Variants in ROCK2 observed in about 807,000 individuals in gnomAD.
ROCK2 encodes rho-associated protein kinase 2.
A neutral mutation model predicts 195.1 loss-of-function variants in ROCK2; 61 were observed. The ratio of observed to expected loss-of-function variants is 0.31; its 90% CI spans 0.25 to 0.39. The LOEUF (loss-of-function observed/expected upper bound fraction) is 0.39. ROCK2 is among the 10% of genes least tolerant of loss of function. The pLI is 1.00. For missense variants in ROCK2, 1,109 were observed against 1,637.4 expected (o/e 0.68, Z 5.57); for synonymous variants, 504 against 545.5 (o/e 0.92, Z 1.06).
chr2:11,215,649 A>G lies in ROCK2; in HGVS notation c.1462-4T>C. On this transcript the variant is annotated splice_polypyrimidine_tract_variant and splice_region_variant and intron_variant, in intron 13 of 32. Coordinates refer to ENST00000315872, the MANE Select transcript of ROCK2 (RefSeq NM_004850.5). ...CCACACTTTTCCGTAAGGTAATCTGAAATAATGCTTAAAGTTATTATCAAA... is the reference window on the plus strand; with the variant it reads ...CCACACTTTTCCGTAAGGTAATCTGGAATAATGCTTAAAGTTATTATCAAA... The G allele has an allele frequency of 2.5e-6, 4 of 1,588,448 alleles. No individual in the cohort carries two copies. The highest frequency in any genetic ancestry group is 3.4e-6 in the Non-Finnish European group (4 of 1,171,820).
chr2:11,230,044 A>C (rs1044380479), intron 5 of ROCK2, among the ~76,000 whole-genome samples: 3 of 152,200 alleles, frequency 2.0e-5, no homozygotes, highest in Non-Finnish European at 4.4e-5. Context: ...TTCAGAATTA[A>C]ATATAAACAT....
chr2:11,295,976 G>GAA lies in ROCK2; in HGVS notation c.142-8241_142-8240insTT, dbSNP rs1241866687. Among the ~76,000 whole-genome samples the GAA allele has an allele frequency of 7.0e-3, 540 of 77,244 alleles. 8 individuals carry two copies. The highest frequency in any genetic ancestry group is 0.021 in the African/African-American group (519 of 24,880). The allele number at this position is 77,244 out of a possible 152,430, so 50.7% of individuals were successfully genotyped here. On this transcript the variant is annotated intron_variant, in intron 1 of 32. Transcript: ENST00000315872. ...CATCTCAAAAAACAAAAGAGAGAGA[G>GAA]AGAGAGAGAGAGAGGAGAGAGAGAG...
At chr2:11,206,812 C>T (rs1664067481) in intron 20 of ROCK2, among the ~76,000 whole-genome samples, 1 of 152,198 alleles carries the variant, frequency 6.6e-6, no homozygotes, top group Admixed American at 6.5e-5. Flanking sequence ...TACAAGATCC[C>T]TAACAAGGAA....
chr2:11,219,082 G>T, intron 9 of ROCK2, 56 bp from the exon 10 acceptor site: 1 of 947,626 alleles, frequency 1.1e-6, no homozygotes, highest in Non-Finnish European at 1.6e-6. Flanking sequence ...TCTATGTGCT[G>T]TTTTATTCAA....
chr2:11,186,501 C>T (rs1193131283), intron 32 of ROCK2, among the ~76,000 whole-genome samples: 2 of 152,338 alleles, frequency 1.3e-5, no homozygotes, highest in East Asian at 3.9e-4. Flanking sequence ...GTTATTTCAA[C>T]TGAAGAAATC....
intron 4 of ROCK2, among the ~76,000 whole-genome samples, chr2:11,246,299 C>A (rs895382620): frequency 2.0e-5 from 3 of 152,120 alleles, no homozygotes; most frequent in Admixed American, 2.0e-4. Flanking sequence ...TCAGCAAAAT[C>A]TAGGTTTCTT....
intron 3 of ROCK2, among the ~76,000 whole-genome samples, chr2:11,256,988 C>T (rs1167759885): frequency 2.0e-5 from 3 of 151,374 alleles, no homozygotes; most frequent in African/African-American, 7.4e-5. Flanking sequence ...AGGCTAGGGA[C>T]TCTCAGTATT....
chr2:11,190,572 GA>G (rs35012327), intron 32 of ROCK2, among the ~76,000 whole-genome samples: 49,135 of 151,748 alleles, frequency 0.32, 8,212 homozygotes, highest in East Asian at 0.54. Context: ...TAGCACAAAA[GA>G]AAAAAATGTA....
intron 1 of ROCK2, among the ~76,000 whole-genome samples, chr2:11,320,450 A>T (rs137857333): frequency 6.6e-6 from 1 of 152,334 alleles, no homozygotes; most frequent in East Asian, 1.9e-4. Flanking sequence ...TGTAAGGAAG[A>T]CACCAACATT....
intron 3 of ROCK2, among the ~76,000 whole-genome samples, chr2:11,267,895 C>T (rs1666475545): frequency 6.6e-6 from 1 of 151,852 alleles, no homozygotes; most frequent in Non-Finnish European, 1.5e-5. Context: ...GATCTGCCCG[C>T]CTCAGCCTCC....
In ROCK2 at chr2:11,182,916, G is replaced by A. The variant is rs904226451; in HGVS notation, c.*521C>T. On this transcript the variant is annotated 3_prime_UTR_variant, in exon 33 of 33. Coordinates refer to ENST00000315872, the MANE Select transcript of ROCK2 (RefSeq NM_004850.5). ...GATTAATGTGTATAAAAAATAAAGT[G>A]GGAAGTTTAAAAAACCTTCTTGCAG... The A allele has an allele frequency of 6.6e-6, 1 of 152,182 alleles. No individual in the cohort carries two copies. Among genetic ancestry groups the A allele is most frequent in the Non-Finnish European group, 1.5e-5 (1 of 67,962 alleles). 9.4% of individuals were successfully genotyped at this position (152,182 alleles called of 1,614,324 possible).
At chr2:11,329,451 T>TAA (rs764789114) in intron 1 of ROCK2, among the ~76,000 whole-genome samples, 4 of 144,040 alleles carry the variant, frequency 2.8e-5, no homozygotes, top group Non-Finnish European at 6.1e-5. Flanking sequence ...TAAAAGCTTG[T>TAA]AACAATCCCA....
chr2:11,208,658 C>T (rs1198263415), intron 18 of ROCK2, among the ~76,000 whole-genome samples: 7 of 147,724 alleles, frequency 4.7e-5, no homozygotes, highest in South Asian at 2.1e-4. Context: ...AGTGCAGTGA[C>T]GCAATCTCAG....
chr2:11,183,593 C>T (rs556820626), intron 32 of ROCK2, among the ~76,000 whole-genome samples, 153 bp from the exon 33 acceptor site: 159 of 152,280 alleles, frequency 1.0e-3, no homozygotes, highest in African/African-American at 3.3e-3. Flanking sequence ...AACATACTTA[C>T]TGTATTACTT....
intron 3 of ROCK2, among the ~76,000 whole-genome samples, chr2:11,272,232 A>G (rs1000817976): frequency 6.6e-6 from 1 of 152,170 alleles, no homozygotes; most frequent in African/African-American, 2.4e-5. Flanking sequence ...GAAATGGTCA[A>G]TGAAGTCCTA....
intron 1 of ROCK2, among the ~76,000 whole-genome samples, chr2:11,323,439 C>A (rs1409215396): frequency 6.6e-6 from 1 of 152,024 alleles, no homozygotes; most frequent in Admixed American, 6.6e-5. Flanking sequence ...AATGAATAAA[C>A]CTTTATTCAA....
intron 1 of ROCK2, among the ~76,000 whole-genome samples, chr2:11,298,688 A>C (rs2148213027): frequency 6.6e-6 from 1 of 152,180 alleles, no homozygotes; most frequent in South Asian, 2.1e-4. Flanking sequence ...TTCAAAGCTT[A>C]TTTGTGTTCA....
intron 1 of ROCK2, among the ~76,000 whole-genome samples, chr2:11,307,401 C>T (rs2148225180): frequency 6.6e-6 from 1 of 152,320 alleles, no homozygotes; most frequent in Middle Eastern, 3.4e-3. Flanking sequence ...GCAACCTCCG[C>T]CTCCCAGGTT....
At position 11,331,799 on chromosome 2, in the gene ROCK2, G is replaced by A. The variant is rs191852100; in HGVS notation, c.141+12197C>T. Among the ~76,000 whole-genome samples the A allele has an allele frequency of 7.9e-5, 12 of 152,250 alleles. No individual in the cohort carries two copies. The East Asian group carries it at 9.6e-4, about 12-fold the overall frequency. Reference sequence around the variant, plus strand: ...AAATTAGCCAGGCCTGGTGGCAGGCGCCTGTAATTCCAGCTACTCGGGAGG... The same window carrying A: ...AAATTAGCCAGGCCTGGTGGCAGGCACCTGTAATTCCAGCTACTCGGGAGG... On this transcript the variant is annotated intron_variant, in intron 1 of 32. Coordinates refer to ENST00000315872, the MANE Select transcript of ROCK2 (RefSeq NM_004850.5).
Sources: gnomAD v4.1 joint callset for allele counts (sites outside exome capture counted in the v4.1 genomes callset) on GRCh38, gnomAD v4.1.1 for gene constraint, MANE v1.5 for transcripts, NCBI Gene and HGNC (gene_info 2026-07-23, HGNC 2026-07-21) for gene names.